CSMD1: variants seen among roughly 807,000 people sequenced by gnomAD.
The protein encoded by CSMD1 is CUB and sushi domain-containing protein 1.
In CSMD1, 213 loss-of-function variants were observed where a neutral mutation model predicts 417.5. The ratio of observed to expected loss-of-function variants is 0.51; its 90% CI spans 0.46 to 0.57. CSMD1 has a LOEUF of 0.57. CSMD1 is among the 20% of genes least tolerant of loss of function. The pLI is 0.00. For missense variants in CSMD1, 6,923 were observed against 4,529.7 expected (o/e 1.53, Z -15.17); for synonymous variants, 2,862 against 1,736.8 (o/e 1.65, Z -16.11).
At chr8:4,786,390 G>C (rs562104503) in intron 1 of CSMD1, among the ~76,000 whole-genome samples, 2 of 152,296 alleles carry the variant, frequency 1.3e-5, no homozygotes, top group East Asian at 1.9e-4. Flanking sequence ...ACATGCATCG[G>C]TCAAGTAAAT....
chr8:3,755,385 T>A (rs1452569671), intron 5 of CSMD1, among the ~76,000 whole-genome samples: 1 of 152,236 alleles, frequency 6.6e-6, no homozygotes, highest in African/African-American at 2.4e-5. Context: ...CTCCATGTGC[T>A]CTACAAGTGG....
At chr8:3,604,427 G>C (rs1184885208) in intron 8 of CSMD1, among the ~76,000 whole-genome samples, 11 of 152,114 alleles carry the variant, frequency 7.2e-5, no homozygotes, top group Admixed American at 7.2e-4. Flanking sequence ...ACATCTCTTA[G>C]CATTGCTGAG....
At chr8:4,500,017 G>C (rs562147313) in intron 2 of CSMD1, among the ~76,000 whole-genome samples, 2 of 151,982 alleles carry the variant, frequency 1.3e-5, no homozygotes, top group African/African-American at 4.8e-5. Flanking sequence ...AGAAAGAAGC[G>C]GGAGAAGTTG....
chr8:3,257,956 C>G (rs558631631), intron 26 of CSMD1, among the ~76,000 whole-genome samples: 13 of 152,056 alleles, frequency 8.5e-5, no homozygotes, highest in African/African-American at 1.7e-4. Context: ...TCAGGACAGA[C>G]CATGGAGAGG....
intron 25 of CSMD1, among the ~76,000 whole-genome samples, chr8:3,286,047 A>C (rs1012235654): frequency 2.0e-5 from 3 of 151,630 alleles, no homozygotes; most frequent in African/African-American, 7.3e-5. Flanking sequence ...TCACTGTTCA[A>C]CTCCCACCTA....
chr8:3,452,259 G>A (rs976035875), intron 12 of CSMD1, among the ~76,000 whole-genome samples: 2 of 151,990 alleles, frequency 1.3e-5, no homozygotes, highest in Non-Finnish European at 1.5e-5. Flanking sequence ...ATGTCATCTG[G>A]AAAAAGGGAC....
intron 2 of CSMD1, 97 bp downstream of exon 2, chr8:4,637,245 C>A (rs1802876486): frequency 8.9e-6 from 10 of 1,124,496 alleles, no homozygotes. Flanking sequence ...AAGGAACCAA[C>A]TCCGGACACA....
chr8:3,422,595 G>A (rs763169220), intron 12 of CSMD1, among the ~76,000 whole-genome samples: 42 of 152,128 alleles, frequency 2.8e-4, no homozygotes, highest in Admixed American at 6.5e-4. Context: ...TGTTACAATA[G>A]GGCTAGACCA....
chr8:3,223,715 G>T lies in CSMD1; in HGVS notation c.4484+14C>A. ...AAATCCTACTAAAAAGAGGTATTCT[G>T]CAAGAGACGGTACCTTTTGAATATC... On this transcript the variant is annotated intron_variant, in intron 28 of 69. Coordinates refer to ENST00000635120, the MANE Select transcript of CSMD1 (RefSeq NM_033225.6). 2 of 1,613,202 alleles carry T rather than the reference G, an allele frequency of 1.2e-6. No individual in the cohort carries two copies. Among genetic ancestry groups the T allele is most frequent in the Non-Finnish European group, 1.7e-6 (2 of 1,179,362 alleles).
chr8:4,960,572 A>G (rs1809409229), intron 1 of CSMD1, among the ~76,000 whole-genome samples: 2 of 152,216 alleles, frequency 1.3e-5, no homozygotes, highest in African/African-American at 4.8e-5. Context: ...TGCAATCTTC[A>G]TACACAATAG....
At chr8:3,015,945 G>A (rs1808791956) in intron 52 of CSMD1, among the ~76,000 whole-genome samples, 1 of 152,014 alleles carries the variant, frequency 6.6e-6, no homozygotes, top group South Asian at 2.1e-4. Flanking sequence ...GCCTCCAGAG[G>A]GGACTAATCC....
At chr8:4,947,143 T>C (rs969934947) in intron 1 of CSMD1, among the ~76,000 whole-genome samples, 1 of 152,198 alleles carries the variant, frequency 6.6e-6, no homozygotes, top group Non-Finnish European at 1.5e-5. Flanking sequence ...AATTTATATT[T>C]AACACAAATT....
intron 31 of CSMD1, 50 bp downstream of exon 31, chr8:3,205,454 A>C (rs1563140746): frequency 1.1e-6 from 1 of 924,814 alleles, no homozygotes; most frequent in Non-Finnish European, 1.7e-6. Flanking sequence ...AGAAAAATTA[A>C]CACTGAAAGG....
intron 1 of CSMD1, among the ~76,000 whole-genome samples, chr8:4,969,892 A>G (rs1810128937): frequency 6.6e-6 from 1 of 152,170 alleles, no homozygotes; most frequent in South Asian, 2.1e-4. Context: ...GTATCAAAAT[A>G]AAGGTAGTTT....
At chr8:4,229,418 C>T (rs937330720) in intron 3 of CSMD1, among the ~76,000 whole-genome samples, 2 of 152,204 alleles carry the variant, frequency 1.3e-5, no homozygotes, top group African/African-American at 2.4e-5. Flanking sequence ...ATACCTACCA[C>T]AATCACTCAT....
intron 27 of CSMD1, among the ~76,000 whole-genome samples, chr8:3,224,937 G>A (rs1394712947): frequency 2.0e-5 from 3 of 152,136 alleles, no homozygotes; most frequent in African/African-American, 7.2e-5. Context: ...CAAATACTGT[G>A]GTTTGTCACC....
chr8:3,613,702 A>C (rs914809760), intron 8 of CSMD1, among the ~76,000 whole-genome samples: 1 of 144,790 alleles, frequency 6.9e-6, no homozygotes, highest in East Asian at 2.1e-4. Context: ...GTCAGATTAA[A>C]ACACACACAC....
At chr8:3,390,646 A>G (rs1811294908) in intron 17 of CSMD1, among the ~76,000 whole-genome samples, 1 of 151,022 alleles carries the variant, frequency 6.6e-6, no homozygotes, top group South Asian at 2.2e-4. Flanking sequence ...ACAAATAGTT[A>G]CAAACATTAC....
chr8:3,776,704 C>G (rs1798904531), intron 5 of CSMD1, among the ~76,000 whole-genome samples: 4 of 151,626 alleles, frequency 2.6e-5, no homozygotes, highest in Admixed American at 2.6e-4. Context: ...AGATGGCTAC[C>G]TGGAGAGATG....
Sources: allele counts gnomAD v4.1 joint callset (sites outside exome capture counted in the v4.1 genomes callset), GRCh38; gene constraint gnomAD v4.1.1; transcripts MANE v1.5; gene names NCBI Gene and HGNC (gene_info 2026-07-23, HGNC 2026-07-21).